KIF1B: variants seen among roughly 807,000 people sequenced by gnomAD.
KIF1B encodes the protein kinesin family member 1B.
Under a neutral mutation model 241.9 loss-of-function variants are expected in KIF1B, and 76 were observed. The observed-to-expected ratio is 0.31, with a 90% CI of 0.26 to 0.38. The LOEUF (loss-of-function observed/expected upper bound fraction) is 0.38. Among genes scored for constraint, KIF1B ranks in the 10% least tolerant of loss-of-function variants. The probability of loss-of-function intolerance (pLI) is 1.00; values close to 1 mark genes in which losing one functional copy is unlikely to be tolerated. For missense variants in KIF1B, 1,622 were observed against 2,271.4 expected (o/e 0.71, Z 5.81); for synonymous variants, 750 against 796.7 (o/e 0.94, Z 0.99).
Position 10,375,391 on chromosome 1 carries a change from T to G in KIF1B, c.5408+18T>G. On this transcript the variant is annotated intron_variant, in intron 48 of 48. Coordinates refer to ENST00000676179, the MANE Select transcript of KIF1B (RefSeq NM_001365951.3). The stretch of plus-strand genomic sequence containing the variant: ...ACAATACGGTAAGAAGTTTTGTTGT[T>G]GTTGTTGTTGTTTTTGAGACGGAGT... The G allele has an allele frequency of 4.4e-6, 7 of 1,595,934 alleles. No individual in the cohort carries two copies. The highest frequency in any genetic ancestry group is 6.0e-6 in the Non-Finnish European group (7 of 1,164,508).
intron 22 of KIF1B, chr1:10,308,293 A>G (rs890244585): frequency 5.7e-6 from 6 of 1,059,328 alleles, no homozygotes; most frequent in East Asian, 1.0e-4. Context: ...GTGATGAGCA[A>G]TACTGATAAT....
At chr1:10,269,250 C>T (rs1648645780) in intron 7 of KIF1B, among the ~76,000 whole-genome samples, 1 of 152,158 alleles carries the variant, frequency 6.6e-6, no homozygotes, top group African/African-American at 2.4e-5. Context: ...TATGGTGGCT[C>T]ACACCTGTAA....
Position 10,379,229 on chromosome 1 carries a change from T to G in KIF1B, c.*2642T>G, listed in dbSNP as rs1276609197. ...AATTATGTGATACACTGAAATGACT[T>G]TTGTTTTTCTTCTAACTCATACAAA... On this transcript the variant is annotated 3_prime_UTR_variant, in exon 49 of 49. Coordinates refer to ENST00000676179, the MANE Select transcript of KIF1B (RefSeq NM_001365951.3). The G allele has an allele frequency of 8.6e-6, 2 of 232,060 alleles. No individual in the cohort carries two copies. Among genetic ancestry groups the G allele is most frequent in the African/African-American group, 2.2e-5 (1 of 45,236 alleles). The allele number at this position is 232,060 out of a possible 1,614,324, so 14.4% of individuals were successfully genotyped here.
intron 15 of KIF1B, among the ~76,000 whole-genome samples, chr1:10,287,687 T>C (rs1190403843): frequency 6.6e-6 from 1 of 152,178 alleles, no homozygotes; most frequent in Non-Finnish European, 1.5e-5. Context: ...GTAAGTAAAA[T>C]TAGATAAGTC....
intron 2 of KIF1B, among the ~76,000 whole-genome samples, chr1:10,243,829 G>C (rs545551802): frequency 4.8e-4 from 73 of 152,294 alleles, no homozygotes; most frequent in African/African-American, 1.6e-3. Context: ...TGAGGAAAAA[G>C]CTGCGGGGAA....
intron 6 of KIF1B, among the ~76,000 whole-genome samples, chr1:10,267,828 A>G (rs1016541219): frequency 6.6e-6 from 1 of 152,210 alleles, no homozygotes; most frequent in Non-Finnish European, 1.5e-5. Flanking sequence ...GTTATCATGT[A>G]TATATGCGGC....
intron 1 of KIF1B, among the ~76,000 whole-genome samples, chr1:10,230,516 A>G (rs1364440476): frequency 3.3e-5 from 5 of 150,672 alleles, no homozygotes; most frequent in Non-Finnish European, 4.4e-5. Context: ...GCTCACTGCA[A>G]CCTCCACCTC....
In KIF1B at chr1:10,312,116, T is replaced by C. The variant is rs1302788448; in HGVS notation, c.2116-7927T>C. On this transcript the variant is annotated intron_variant, in intron 22 of 48. Transcript: ENST00000676179. ...CAGCCTGGGCCCCTACCCTGAGCTCTAGATGCTGATGATACACAACTACTG... is the reference window on the plus strand; with the variant it reads ...CAGCCTGGGCCCCTACCCTGAGCTCCAGATGCTGATGATACACAACTACTG... Among the ~76,000 whole-genome samples the C allele has an allele frequency of 4.5e-5, 6 of 132,600 alleles. No homozygotes were observed. In the East Asian group the frequency reaches 6.9e-4, roughly 15 times the overall value. The allele number at this position is 132,600 out of a possible 152,430, so 87.0% of individuals were successfully genotyped here.
intron 22 of KIF1B, among the ~76,000 whole-genome samples, chr1:10,318,074 A>AT (rs554815412): frequency 0.018 from 2,684 of 150,574 alleles, 54 homozygotes; most frequent in Admixed American, 0.04. Context: ...TACCAGTTTA[A>AT]TTTTTTTTTC....
chr1:10,314,842 A>G lies in KIF1B; in HGVS notation c.2116-5201A>G, dbSNP rs147010834. Among the ~76,000 whole-genome samples, 18 of 151,768 alleles carry G rather than the reference A, an allele frequency of 1.2e-4. No individual in the cohort carries two copies. The East Asian group carries it at 2.7e-3, about 23-fold the overall frequency. On this transcript the variant is annotated intron_variant, in intron 22 of 48. Coordinates refer to ENST00000676179, the MANE Select transcript of KIF1B (RefSeq NM_001365951.3). The stretch of plus-strand genomic sequence containing the variant: ...ATACCTTAACTGTCAGAGTCTGAGA[A>G]TTTTGTATTCATTGGTAGTTTGACC...
At chr1:10,345,299 C>G (rs573650533) in intron 34 of KIF1B, among the ~76,000 whole-genome samples, 4 of 152,246 alleles carry the variant, frequency 2.6e-5, no homozygotes, top group African/African-American at 9.6e-5. Flanking sequence ...GAAACTTTAC[C>G]CCTCATGGAG....
chr1:10,319,435 A>T (rs1651439698), intron 22 of KIF1B, among the ~76,000 whole-genome samples: 1 of 152,176 alleles, frequency 6.6e-6, no homozygotes, highest in Non-Finnish European at 1.5e-5. Flanking sequence ...TTGAAAATAA[A>T]GTGTCTTACT....
intron 5 of KIF1B, among the ~76,000 whole-genome samples, chr1:10,267,091 C>A (rs1056460793): frequency 6.6e-6 from 1 of 151,908 alleles, no homozygotes; most frequent in Non-Finnish European, 1.5e-5. Context: ...GATATCGGCT[C>A]ACTCTAACCT....
intron 38 of KIF1B, among the ~76,000 whole-genome samples, chr1:10,360,167 T>C (rs1255479924): frequency 6.6e-6 from 1 of 152,164 alleles, no homozygotes. Context: ...CAGCACTGGA[T>C]TGAATGATGT....
chr1:10,289,838 C>T (rs1649899676), intron 15 of KIF1B, among the ~76,000 whole-genome samples: 1 of 152,090 alleles, frequency 6.6e-6, no homozygotes. Context: ...GAGCCGAGAT[C>T]GCACCACTGT....
At position 10,365,471 on chromosome 1, in the gene KIF1B, C is replaced by T. The variant is rs759992437; in HGVS notation, c.4575C>T (p.Ser1525=). 2.0e-5 allele frequency: 32 copies of T among 1,614,154 alleles called. 1 individual carries two copies. The South Asian group carries it at 2.2e-4, about 11-fold the overall frequency. ...GACTTGGTGACAGCATCCCCAAATC[C>T]CTGAGCGACTCGTTATCCCCCAGCC... ...RERLGDSIPK[S]LSDSLSPSLS... Residue 1525 remains serine (S), a synonymous_variant, in exon 43 of 49, where the codon TCC becomes TCT. Transcript: ENST00000676179. This position sits in a 1 kb window ranked among gnomAD's most constrained non-coding sequence, Gnocchi z 4.0.
intron 1 of KIF1B, among the ~76,000 whole-genome samples, chr1:10,215,047 T>C (rs983322051): frequency 6.6e-6 from 1 of 150,440 alleles, no homozygotes; most frequent in African/African-American, 2.4e-5. Flanking sequence ...TAATACTCAA[T>C]TGGTACTTTT....
In KIF1B at chr1:10,365,478, G is replaced by A; in HGVS notation, c.4582G>A (p.Asp1528Asn). 6.2e-7 allele frequency: 1 copy of A among 1,614,072 alleles called. No homozygotes were observed. ...TGACAGCATCCCCAAATCCCTGAGC[G>A]ACTCGTTATCCCCCAGCCTCAGCAG... ...LGDSIPKSLS[D>N]SLSPSLSSGT... is the part of the protein sequence containing the mutation. Residue 1528 changes from aspartate to asparagine, a missense_variant, in exon 43 of 49, where the codon GAC becomes AAC. Transcript: ENST00000676179. This position sits in a 1 kb window ranked among gnomAD's most constrained non-coding sequence, Gnocchi z 4.0.
chr1:10,303,486 G>A lies in KIF1B; in HGVS notation c.2115+6240G>A, dbSNP rs760820415. On this transcript the variant is annotated intron_variant, in intron 22 of 48. Coordinates refer to ENST00000676179, the MANE Select transcript of KIF1B (RefSeq NM_001365951.3). The surrounding 1 kb of genome is among the most constrained non-coding windows in gnomAD (Gnocchi z 5.2). Reference sequence around the variant, plus strand: ...TTGAAGCCCTGGCCATTGTCAAGATGAAGGAGCTTTGTGCCATGTATGGCA... The same window carrying A: ...TTGAAGCCCTGGCCATTGTCAAGATAAAGGAGCTTTGTGCCATGTATGGCA... The A allele has an allele frequency of 6.2e-7, 1 of 1,614,204 alleles. No homozygotes were observed. The highest frequency in any genetic ancestry group is 2.2e-5 in the East Asian group (1 of 44,884).
Sources: allele counts gnomAD v4.1 joint callset (sites outside exome capture counted in the v4.1 genomes callset), GRCh38; gene constraint gnomAD v4.1.1; non-coding constraint Gnocchi (gnomAD v3.1); transcripts MANE v1.5; gene names NCBI Gene and HGNC (gene_info 2026-07-23, HGNC 2026-07-21).